NRG3: variants seen among roughly 807,000 people sequenced by gnomAD.
The protein encoded by NRG3 is pro-neuregulin-3, membrane-bound isoform.
In NRG3, 31 loss-of-function variants were observed where a neutral mutation model predicts 66.9. That is an observed-to-expected ratio of 0.46 (90% CI 0.35 to 0.63). The LOEUF (loss-of-function observed/expected upper bound fraction) is 0.63. Ranked by LOEUF, NRG3 falls within the 20% of genes least tolerant of loss-of-function variation. The pLI, the probability that NRG3 is intolerant of heterozygous loss-of-function variation, is 0.00. For missense variants in NRG3, 910 were observed against 878.9 expected (o/e 1.04, Z -0.45); for synonymous variants, 393 against 359.4 (o/e 1.09, Z -1.06).
At chr10:81,986,119 A>G (rs1214018517) in intron 1 of NRG3, among the ~76,000 whole-genome samples, 1 of 152,310 alleles carries the variant, frequency 6.6e-6, no homozygotes, top group East Asian at 1.9e-4. Context: ...TTATATTAAC[A>G]TAATTATTAG....
intron 2 of NRG3, among the ~76,000 whole-genome samples, chr10:82,399,805 A>C (rs897868876): frequency 2.6e-5 from 4 of 152,234 alleles, no homozygotes; most frequent in African/African-American, 9.6e-5. Context: ...ATATGAGCCA[A>C]AGCAGAATCA....
chr10:82,280,862 T>G (rs1178371023), intron 1 of NRG3, among the ~76,000 whole-genome samples: 1 of 152,186 alleles, frequency 6.6e-6, no homozygotes, highest in Non-Finnish European at 1.5e-5. Flanking sequence ...AACTCTCCAA[T>G]GGCAATCCAT....
At chr10:82,236,861 G>A (rs963453548) in intron 1 of NRG3, among the ~76,000 whole-genome samples, 2 of 151,838 alleles carry the variant, frequency 1.3e-5, no homozygotes, top group South Asian at 2.1e-4. Context: ...GACTACAGAC[G>A]CCCACCACAA....
chr10:82,548,521 TCTCACACA>T (rs754376365), intron 2 of NRG3, among the ~76,000 whole-genome samples: 1,487 of 108,474 alleles, frequency 0.014, 13 homozygotes, highest in Middle Eastern at 0.079. Context: ...ACATTCTGTC[TCTCACACA>T]CACACACACA....
chr10:82,127,702 AC>A lies in NRG3; in HGVS notation c.824-231035del, dbSNP rs918480346. Among the ~76,000 whole-genome samples the A allele has an allele frequency of 1.4e-3, 215 of 151,932 alleles. 4 individuals carry two copies. The highest frequency in any genetic ancestry group is 4.8e-3 in the African/African-American group (200 of 41,488). On this transcript the variant is annotated intron_variant, in intron 1 of 8. Coordinates refer to ENST00000372141, the MANE Select transcript of NRG3 (RefSeq NM_001010848.4). ...CAGGTGGCATCAGCCTATCCTAGCC[AC>A]CTGTCTCCAGAAACCCCAGTCTGCC...
chr10:81,910,000 T>G (rs569418333), intron 1 of NRG3, among the ~76,000 whole-genome samples: 1 of 152,284 alleles, frequency 6.6e-6, no homozygotes, highest in East Asian at 1.9e-4. Context: ...AAGGAATGAT[T>G]TTGCACTATT....
intron 3 of NRG3, among the ~76,000 whole-genome samples, chr10:82,855,611 A>G (rs1460817069): frequency 6.6e-6 from 1 of 152,040 alleles, no homozygotes; most frequent in Non-Finnish European, 1.5e-5. Flanking sequence ...TTGTCCAGGC[A>G]GGTCTCAAAC....
chr10:82,340,543 T>C (rs2082632497), intron 1 of NRG3, among the ~76,000 whole-genome samples: 1 of 152,238 alleles, frequency 6.6e-6, no homozygotes, highest in African/African-American at 2.4e-5. Context: ...AAATAAGATT[T>C]TTAAGTAATT....
chr10:82,983,855 G>A (rs1853174040), intron 8 of NRG3, among the ~76,000 whole-genome samples: 1 of 152,120 alleles, frequency 6.6e-6, no homozygotes, highest in East Asian at 1.9e-4. Flanking sequence ...TCTGTATTAG[G>A]CACAGTAAGA....
chr10:82,978,031 C>T (rs1350454838), intron 7 of NRG3, among the ~76,000 whole-genome samples: 1 of 152,040 alleles, frequency 6.6e-6, no homozygotes, highest in African/African-American at 2.4e-5. Flanking sequence ...TTCTCAGTTC[C>T]TTTATTATTT....
chr10:82,029,940 A>G (rs1457657834), intron 1 of NRG3, among the ~76,000 whole-genome samples: 1 of 152,150 alleles, frequency 6.6e-6, no homozygotes, highest in African/African-American at 2.4e-5. Context: ...CACCTAAAGT[A>G]TAAGAAAGCC....
intron 4 of NRG3, among the ~76,000 whole-genome samples, chr10:82,881,404 C>A (rs191837102): frequency 1.1e-3 from 169 of 152,334 alleles, no homozygotes; most frequent in African/African-American, 3.8e-3. Flanking sequence ...CTGTTCACTA[C>A]CCATTCATTT....
chr10:81,906,466 G>A (rs1018043957), intron 1 of NRG3, among the ~76,000 whole-genome samples: 2 of 152,152 alleles, frequency 1.3e-5, no homozygotes, highest in African/African-American at 4.8e-5. Context: ...AAATTTCTGA[G>A]AAAGCCAAGA....
At chr10:82,223,195 A>G (rs2076019197) in intron 1 of NRG3, among the ~76,000 whole-genome samples, 1 of 152,124 alleles carries the variant, frequency 6.6e-6, no homozygotes, top group South Asian at 2.1e-4. Flanking sequence ...CAAAGGGGAG[A>G]ACAGTCAGAC....
chr10:82,216,843 G>C (rs2075715195), intron 1 of NRG3, among the ~76,000 whole-genome samples: 1 of 152,044 alleles, frequency 6.6e-6, no homozygotes, highest in South Asian at 2.1e-4. Context: ...GTGATAGCAA[G>C]TATAGCGAGT....
At chr10:82,357,331 G>T (rs1164494196) in intron 1 of NRG3, among the ~76,000 whole-genome samples, 1 of 152,148 alleles carries the variant, frequency 6.6e-6, no homozygotes, top group East Asian at 1.9e-4. Flanking sequence ...GGAGAGACAG[G>T]GGTGAGTTTC....
intron 7 of NRG3, among the ~76,000 whole-genome samples, chr10:82,975,647 T>G (rs1852181977): frequency 6.6e-6 from 1 of 152,248 alleles, no homozygotes; most frequent in Non-Finnish European, 1.5e-5. Flanking sequence ...ATCATAGCTT[T>G]TGTTTTGTAA....
intron 2 of NRG3, 22 bp downstream of exon 2, chr10:82,358,890 TG>T: frequency 2.5e-6 from 4 of 1,613,912 alleles, no homozygotes; most frequent in Non-Finnish European, 3.4e-6. Context: ...AGGCCACTGA[TG>T]GAAAGGGCAG....
In NRG3 at chr10:82,922,088, C is replaced by T. The variant is rs145637757; in HGVS notation, c.1055-29381C>T. On this transcript the variant is annotated intron_variant, in intron 4 of 8. Transcript: ENST00000372141. ...ATAAGCTTTTATACATTGTCTTCTC[C>T]ACCCCCACCACCCGCCACCTCTCTA... 4.7e-3 allele frequency among the ~76,000 whole-genome samples: 720 copies of T among 151,846 alleles called. 9 individuals carry two copies. Among genetic ancestry groups the T allele is most frequent in the African/African-American group, 0.016 (680 of 41,422 alleles).
Sources: gnomAD v4.1 joint callset for allele counts (sites outside exome capture counted in the v4.1 genomes callset) on GRCh38, gnomAD v4.1.1 for gene constraint, MANE v1.5 for transcripts, NCBI Gene and HGNC (gene_info 2026-07-23, HGNC 2026-07-21) for gene names.